BMP8A: variants seen among roughly 807,000 people sequenced by gnomAD.
BMP8A encodes the protein BMP-8A.
BMP8A carries 14 observed loss-of-function variants against 36.8 expected under a neutral mutation model. The observed-to-expected ratio is 0.38, with a 90% CI of 0.25 to 0.60. The LOEUF is 0.60. Among genes scored for constraint, BMP8A ranks in the 20% least tolerant of loss-of-function variants. BMP8A has a pLI of 0.63. For missense variants in BMP8A, 267 were observed against 551.1 expected, an observed-to-expected ratio of 0.48 and a Z score of 5.16; for synonymous variants, 120 against 237.7, an observed-to-expected ratio of 0.50 and a Z score of 4.55.
chr1:39,498,575 C>T (rs1417292531), intron 1 of BMP8A, among the ~76,000 whole-genome samples: 1 of 152,188 alleles, frequency 6.6e-6, no homozygotes, highest in South Asian at 2.1e-4. Flanking sequence ...GCTGGAAATA[C>T]CTCAGCATGG....
At chr1:39,519,097 AC>A (rs1323442147) in intron 3 of BMP8A, among the ~76,000 whole-genome samples, 1 of 110,592 alleles carries the variant, frequency 9.0e-6, no homozygotes, top group Non-Finnish European at 1.9e-5. Flanking sequence ...TGTCTGGGAG[AC>A]CCCCCATAAG....
intron 1 of BMP8A, among the ~76,000 whole-genome samples, chr1:39,503,993 C>T (rs1254069625): frequency 2.6e-5 from 4 of 152,166 alleles, no homozygotes. Flanking sequence ...TTATTATTTA[C>T]AAAATGAAAA....
At chr1:39,503,416 A>G (rs1645269611) in intron 1 of BMP8A, among the ~76,000 whole-genome samples, 1 of 152,180 alleles carries the variant, frequency 6.6e-6, no homozygotes, top group African/African-American at 2.4e-5. Flanking sequence ...AGGTGAGCCA[A>G]GAGTTCAAGA....
Position 39,525,942 on chromosome 1 carries a change from G to C in BMP8A, c.*144G>C. ...GTGCCTACTTCCTGTCAGGCTTCTG[G>C]TCCTTTCTCGGTACCTCTGTGCCCC... On this transcript the variant is annotated 3_prime_UTR_variant, in exon 7 of 7. Transcript: ENST00000331593. 3.6e-6 allele frequency: 5 copies of C among 1,387,518 alleles called. No homozygotes were observed. The highest frequency in any genetic ancestry group is 4.9e-6 in the Non-Finnish European group (5 of 1,027,082). 86.0% of individuals were successfully genotyped at this position (1,387,518 alleles called of 1,614,324 possible). A position where few individuals can be genotyped will look rare whatever the true frequency, so the allele number is the denominator to read the frequency against.
chr1:39,496,006 T>C (rs1476878125), intron 1 of BMP8A, among the ~76,000 whole-genome samples: 1 of 151,174 alleles, frequency 6.6e-6, no homozygotes, highest in Admixed American at 6.6e-5. Context: ...AACAGAGCCG[T>C]CTGGATTTGG....
chr1:39,495,141 C>T (rs1557684046), intron 1 of BMP8A, among the ~76,000 whole-genome samples: 1 of 152,174 alleles, frequency 6.6e-6, no homozygotes, highest in Non-Finnish European at 1.5e-5. Flanking sequence ...GTGTCACTGC[C>T]CACACCCAGG....
intron 1 of BMP8A, among the ~76,000 whole-genome samples, chr1:39,510,729 G>T (rs571294913): frequency 1.3e-5 from 2 of 152,216 alleles, no homozygotes; most frequent in Admixed American, 1.3e-4. Context: ...CTGAGATGCC[G>T]TCGGTTATGT....
At chr1:39,509,621 C>G (rs560135177) in intron 1 of BMP8A, among the ~76,000 whole-genome samples, 1 of 152,184 alleles carries the variant, frequency 6.6e-6, no homozygotes, top group African/African-American at 2.4e-5. Context: ...CCCCATCCCC[C>G]GCCCCGCACA....
At chr1:39,500,945 C>A (rs979340786) in intron 1 of BMP8A, among the ~76,000 whole-genome samples, 3 of 152,154 alleles carry the variant, frequency 2.0e-5, no homozygotes, top group African/African-American at 7.2e-5. Flanking sequence ...TAAGTCACCA[C>A]GCCCAGCCGA....
intron 1 of BMP8A, among the ~76,000 whole-genome samples, chr1:39,499,001 C>T (rs1357532110): frequency 3.3e-5 from 5 of 152,220 alleles, no homozygotes; most frequent in Admixed American, 1.3e-4. Context: ...AAGAAGGGGC[C>T]GGGGCACCCC....
Position 39,526,573 on chromosome 1 carries a change from A to C in BMP8A, c.*775A>C, listed in dbSNP as rs1645485666. ...AGGCTGGTCTTGAACTCCTGACCTC[A>C]GGTGATCCACCCGCCCGGCCTCCCA... On this transcript the variant is annotated 3_prime_UTR_variant, in exon 7 of 7. Transcript: ENST00000331593. Among the ~76,000 whole-genome samples, 1 of 152,110 alleles carries C rather than the reference A, an allele frequency of 6.6e-6. No homozygotes were observed. The highest frequency in any genetic ancestry group is 1.5e-5 in the Non-Finnish European group (1 of 68,016).
intron 1 of BMP8A, among the ~76,000 whole-genome samples, chr1:39,507,901 G>A (rs1030815650): frequency 6.6e-6 from 1 of 152,084 alleles, no homozygotes; most frequent in Non-Finnish European, 1.5e-5. Context: ...CAGGTGAAAA[G>A]GAGGCACCCA....
Position 39,492,063 on chromosome 1 carries a change from CCTGCGACCCCCG to C in BMP8A, c.74_85del (p.Leu25_Pro28del), listed in dbSNP as rs1645163347. ...GCGCGCTGGGCGGGGGCGGCCCCGG[CCTGCGACCCCCG>C]CCCGGCTGTCCCCAGCGACGTCTGG... On this transcript the variant is annotated inframe_deletion, in exon 1 of 7. Transcript: ENST00000331593. 9.0e-7 allele frequency: 1 copy of C among 1,111,870 alleles called. No individual in the cohort carries two copies. The highest frequency in any genetic ancestry group is 1.1e-6 in the Non-Finnish European group (1 of 913,464). 68.9% of individuals were successfully genotyped at this position (1,111,870 alleles called of 1,614,324 possible).
chr1:39,523,515 G>A, intron 6 of BMP8A: 5 of 1,356,470 alleles, frequency 3.7e-6, no homozygotes, highest in East Asian at 2.9e-5. Context: ...CTGACCGCCT[G>A]TGATATGTGC....
At chr1:39,508,364 T>C (rs1645321005) in intron 1 of BMP8A, among the ~76,000 whole-genome samples, 1 of 152,228 alleles carries the variant, frequency 6.6e-6, no homozygotes, top group Non-Finnish European at 1.5e-5. Flanking sequence ...TATTGTCACT[T>C]TGATACTTTA....
intron 1 of BMP8A, among the ~76,000 whole-genome samples, chr1:39,499,956 A>G (rs1157429835): frequency 1.3e-5 from 2 of 152,208 alleles, no homozygotes; most frequent in Non-Finnish European, 2.9e-5. Flanking sequence ...GTTGGCAGCA[A>G]TTGAAGTTTT....
Position 39,523,624 on chromosome 1 carries a change from C to T in BMP8A, c.1059+507C>T. On this transcript the variant is annotated intron_variant, in intron 6 of 6. Transcript: ENST00000331593. ...TGGCTCTCAACCTTTTGGCTTTTTC[C>T]CGCAGTTTCTCTCTTGGCTGTCTGT... 2.8e-6 allele frequency: 4 copies of T among 1,444,540 alleles called. No homozygotes were observed. In the South Asian group the frequency reaches 5.7e-5, roughly 21 times the overall value. 89.5% of individuals were successfully genotyped at this position (1,444,540 alleles called of 1,614,324 possible). A position where few individuals can be genotyped will look rare whatever the true frequency, so the allele number is the denominator to read the frequency against.
At chr1:39,492,568 C>T (rs1249637197) in intron 1 of BMP8A, among the ~76,000 whole-genome samples, 3 of 152,210 alleles carry the variant, frequency 2.0e-5, no homozygotes, top group African/African-American at 7.2e-5. Context: ...CTTCACCCTG[C>T]CCCAGACACA....
At chr1:39,517,425 C>T (rs1357549776) in intron 3 of BMP8A, among the ~76,000 whole-genome samples, 5 of 151,910 alleles carry the variant, frequency 3.3e-5, no homozygotes, top group African/African-American at 1.2e-4. Context: ...AAGCAATTCT[C>T]ATGTCTCAGC....
Sources: gnomAD v4.1 joint callset for allele counts (sites outside exome capture counted in the v4.1 genomes callset) on GRCh38, gnomAD v4.1.1 for gene constraint, MANE v1.5 for transcripts, NCBI Gene and HGNC (gene_info 2026-07-23, HGNC 2026-07-21) for gene names.